Variants in MZF1 observed in about 807,000 individuals in gnomAD.
MZF1 encodes the protein myeloid zinc finger 1.
A neutral mutation model predicts 28.6 loss-of-function variants in MZF1; 24 were observed. That is an observed-to-expected ratio of 0.84 (90% CI 0.61 to 1.18). The LOEUF (loss-of-function observed/expected upper bound fraction) is 1.18, where lower values mean the gene tolerates loss of function less well. Among genes scored for constraint, MZF1 ranks in the 50% most tolerant of loss-of-function variants. The pLI, the probability that MZF1 is intolerant of heterozygous loss-of-function variation, is 0.00. For missense variants in MZF1, 1,166 were observed against 1,026.4 expected (o/e 1.14, Z -1.86); for synonymous variants, 516 against 432.5 (o/e 1.19, Z -2.40).
intron 1 of MZF1, chr19:58,572,593 G>T: frequency 7.8e-7 from 1 of 1,289,758 alleles, no homozygotes; most frequent in Non-Finnish European, 1.0e-6. Context: ...GCTTTAGGAA[G>T]GAATCTGCGT....
Position 58,563,056 on chromosome 19 carries a change from G to A in MZF1, c.1221C>T (p.Thr407=), listed in dbSNP as rs1301091099. 1 of 1,602,980 alleles carries A rather than the reference G, an allele frequency of 6.2e-7. No individual in the cohort carries two copies. The highest frequency in any genetic ancestry group is 1.3e-5 in the African/African-American group (1 of 75,030). Residue 407 remains threonine (T), a synonymous_variant, in exon 6 of 6, where the codon ACC becomes ACT. Transcript: ENST00000215057. ...SHLLRHQLTH[T]EERPFVCGDC... ...CGCCGCACACGAACGGCCGCTCCTC[G>A]GTGTGCGTAAGCTGGTGGCGCAGCA...
At chr19:58,571,674 A>G in intron 1 of MZF1, 2 of 407,982 alleles carry the variant, frequency 4.9e-6, no homozygotes, top group Non-Finnish European at 8.8e-6. Context: ...CCCTGCTCCA[A>G]ACACAGGCTT....
Position 58,562,053 on chromosome 19 carries a change from CAG to C in MZF1, c.*17_*18del. On this transcript the variant is annotated 3_prime_UTR_variant, in exon 6 of 6. Coordinates refer to ENST00000215057, the MANE Select transcript of MZF1 (RefSeq NM_198055.2). ...GTAGGTGTTCTGACCATGGCGGACA[CAG>C]TGCGTCCCGGCTGGAGCTACTCGGC... 2 of 1,546,850 alleles carry C rather than the reference CAG, an allele frequency of 1.3e-6. No homozygotes were observed. The highest frequency in any genetic ancestry group is 2.4e-5 in the South Asian group (2 of 84,296).
chr19:58,561,980 G>T lies in MZF1; in HGVS notation c.*92C>A. ...ACCTACAGTAGCCAAGCCCTGGGCG[G>T]ACCTGCTTATACTTATGTAATCGCC... On this transcript the variant is annotated 3_prime_UTR_variant, in exon 6 of 6. Transcript: ENST00000215057. 3.7e-6 allele frequency: 5 copies of T among 1,335,348 alleles called. No individual in the cohort carries two copies. The highest frequency in any genetic ancestry group is 2.8e-5 in the South Asian group (2 of 71,972). The allele number at this position is 1,335,348 out of a possible 1,614,324, so 82.7% of individuals were successfully genotyped here.
chr19:58,563,334 G>C lies in MZF1; in HGVS notation c.943C>G (p.Gln315Glu). 6.2e-7 allele frequency: 1 copy of C among 1,609,082 alleles called. No homozygotes were observed. Among genetic ancestry groups the C allele is most frequent in the Non-Finnish European group, 8.5e-7 (1 of 1,178,088 alleles). Residue 315 changes from glutamine to glutamate, a missense_variant, in exon 6 of 6, where the codon CAG (glutamine) becomes GAG (glutamate). Transcript: ENST00000215057. The stretch of plus-strand genomic sequence containing the variant: ...CAGGGATCCTCGTCCGTGGGGTCCT[G>C]TTCACTCCTCAGATCGCTGGGGAGC... The part of the protein sequence containing the change: ...LLLPSDLRSE[Q>E]DPTDEDPCRG...
At chr19:58,569,943 G>T (rs1369857373) in intron 3 of MZF1, 1 of 320,228 alleles carries the variant, frequency 3.1e-6, no homozygotes, top group Non-Finnish European at 5.8e-6. Flanking sequence ...GGAGGTGAAA[G>T]GGGTCATACC....
intron 5 of MZF1, 41 bp from the exon 6 acceptor site, chr19:58,563,545 C>T: frequency 6.9e-7 from 1 of 1,457,096 alleles, no homozygotes; most frequent in Non-Finnish European, 9.2e-7. Flanking sequence ...ACAGAATGCC[C>T]ACCGTGCCGG....
At chr19:58,565,299 G>T (rs2054026024) in intron 5 of MZF1, among the ~76,000 whole-genome samples, 1 of 147,878 alleles carries the variant, frequency 6.8e-6, no homozygotes, top group Non-Finnish European at 1.5e-5. Flanking sequence ...TCTCCATGTT[G>T]GTCAGGCTGG....
At chr19:58,572,906 TCTCG>T (rs1568688892) in intron 1 of MZF1, 145 bp downstream of exon 1, 1 of 287,030 alleles carries the variant, frequency 3.5e-6, no homozygotes, top group African/African-American at 2.2e-5. Context: ...TTGACAAGCC[TCTCG>T]CTCTAGCCCT....
chr19:58,572,446 G>T, intron 1 of MZF1: 6 of 895,690 alleles, frequency 6.7e-6, no homozygotes, highest in Non-Finnish European at 7.8e-6. Context: ...CTCCAAGACT[G>T]CCGGAACAGG....
rs1568674654 is a variant in MZF1, at chr19:58,562,397, C to CAGTGGTA, written c.1873_1879dup (p.Cys627LeufsTer5). On this transcript the variant is annotated frameshift_variant, in exon 6 of 6. Coordinates refer to ENST00000215057, the MANE Select transcript of MZF1 (RefSeq NM_198055.2). LOFTEE classifies it low-confidence loss of function (END_TRUNC). ...CGTGAAGCCCAGGCCGCACTCACCG[C>CAGTGGTA]AGTGGTAGGGCTTTTCGCCGGTGTG... The CAGTGGTA allele has an allele frequency of 6.2e-7, 1 of 1,609,630 alleles. No homozygotes were observed. The highest frequency in any genetic ancestry group is 2.2e-5 in the East Asian group (1 of 44,728).
chr19:58,563,582 T>C, intron 5 of MZF1, 78 bp from the exon 6 acceptor site: 1 of 1,238,250 alleles, frequency 8.1e-7, no homozygotes, highest in Non-Finnish European at 1.1e-6. Context: ...GGGGACACAG[T>C]GTGAACTACA....
chr19:58,567,287 G>C (rs1235780824), intron 5 of MZF1, among the ~76,000 whole-genome samples: 3 of 152,230 alleles, frequency 2.0e-5, no homozygotes, highest in African/African-American at 7.2e-5. Context: ...CACCAGCCAG[G>C]CTGGAGAGGC....
Position 58,562,095 on chromosome 19 carries a change from G to A in MZF1, c.2182C>T (p.Gln728Ter), listed in dbSNP as rs2053935480. ...AGCTACTCGGCGCTGTGGACGCGCT[G>A]GTGCTGAATGAGCTTGGTGCTCTGG... ...FHQSTKLIQHQRVHSAE is the reference protein window; with the variant it reads ...FHQSTKLIQH Residue 728 changes from glutamine (Q) to a stop codon, truncating the protein, a stop_gained, in exon 6 of 6, where the codon CAG (glutamine) becomes TAG (stop). Coordinates refer to ENST00000215057, the MANE Select transcript of MZF1 (RefSeq NM_198055.2). LOFTEE classifies it high-confidence loss of function. The A allele has an allele frequency of 3.2e-6, 5 of 1,574,734 alleles. No individual in the cohort carries two copies. The highest frequency in any genetic ancestry group is 4.3e-6 in the Non-Finnish European group (5 of 1,162,018).
chr19:58,569,678 T>A, intron 3 of MZF1, 92 bp from the exon 4 acceptor site: 1 of 1,137,276 alleles, frequency 8.8e-7, no homozygotes, highest in Non-Finnish European at 1.3e-6. Context: ...TGCAGAGAGG[T>A]GGGATTCTTG....
chr19:58,572,737 C>T, intron 1 of MZF1: 1 of 766,466 alleles, frequency 1.3e-6, no homozygotes, highest in Non-Finnish European at 1.9e-6. Context: ...AGACTTGGGT[C>T]ATAGCCAAGA....
At chr19:58,565,311 C>T (rs1212468143) in intron 5 of MZF1, among the ~76,000 whole-genome samples, 1 of 147,982 alleles carries the variant, frequency 6.8e-6, no homozygotes, top group Non-Finnish European at 1.5e-5. Flanking sequence ...TCAGGCTGGT[C>T]TCGAACTCCC....
chr19:58,571,535 G>A (rs2054163923), intron 1 of MZF1, 106 bp from the exon 2 acceptor site: 1 of 1,079,230 alleles, frequency 9.3e-7, no homozygotes, highest in Admixed American at 2.9e-5. Flanking sequence ...CATGTGGAAG[G>A]CAGATGAGGA....
rs375129468 is a variant in MZF1, at chr19:58,571,327, C to A, written c.63G>T (p.Met21Ile). ...CCTCCTCAGAGTCCTCTAGCTTCAC[C>A]ATGACAGGCCCCTCATCTTCTGGGG... ...RAPPEDEGPV[M>I]VKLEDSEEEG... The change falls in exon 2 of 6, where the codon ATG (methionine) becomes ATT (isoleucine). Residue 21 changes from methionine to isoleucine, a missense_variant. By Grantham distance (10) the Met-to-Ile change is conservative (BLOSUM62 1). Transcript: ENST00000215057. 6.2e-7 allele frequency: 1 copy of A among 1,614,088 alleles called. No homozygotes were observed. Among genetic ancestry groups the A allele is most frequent in the African/African-American group, 1.3e-5 (1 of 74,940 alleles).
Sources: allele counts gnomAD v4.1 joint callset (sites outside exome capture counted in the v4.1 genomes callset), GRCh38; gene constraint gnomAD v4.1.1; transcripts MANE v1.5; gene names NCBI Gene and HGNC (gene_info 2026-07-23, HGNC 2026-07-21).